FANCA: variants seen among roughly 807,000 people sequenced by gnomAD.
FANCA encodes the protein Fanconi anemia group A protein.
In FANCA, 236 loss-of-function variants were observed where a neutral mutation model predicts 194.3. That is an observed-to-expected ratio of 1.21 (90% CI 1.09 to 1.35). The LOEUF (loss-of-function observed/expected upper bound fraction) is 1.35, where lower values mean the gene tolerates loss of function less well. Ranked by LOEUF, FANCA falls within the 40% of genes most tolerant of loss-of-function variation. FANCA has a pLI of 0.00. For synonymous variants in FANCA, 1,014 were observed against 715.8 expected (o/e 1.42, Z -6.65); for missense variants, 2,628 against 1,813.9 (o/e 1.45, Z -8.15).
At chr16:89,802,344 C>A (rs1296566362) in intron 8 of FANCA, among the ~76,000 whole-genome samples, 1 of 151,762 alleles carries the variant, frequency 6.6e-6, no homozygotes, top group African/African-American at 2.4e-5. Context: ...CTCAGGGGAT[C>A]CACCAGTCTC....
chr16:89,750,482 CAAA>C (rs745845600), intron 31 of FANCA, among the ~76,000 whole-genome samples: 3 of 109,894 alleles, frequency 2.7e-5, no homozygotes, highest in African/African-American at 9.4e-5. Context: ...GACTCCGTCT[CAAA>C]AAAAAACAAA....
At position 89,774,870 on chromosome 16, in the gene FANCA, G is replaced by A. The variant is rs146712728; in HGVS notation, c.1900+872C>T. ...GCACTTTGAAAGGCCGAGGCAGGCG[G>A]ATCAGTTGAGGTCAGGAGTTCGAGA... On this transcript the variant is annotated intron_variant, in intron 21 of 42. Transcript: ENST00000389301. Among the ~76,000 whole-genome samples the A allele has an allele frequency of 2.3e-3, 346 of 152,068 alleles. 4 individuals are homozygous for A. Among genetic ancestry groups the A allele is most frequent in the African/African-American group, 7.8e-3 (322 of 41,488 alleles).
rs1349810895 is a variant in FANCA, at chr16:89,783,097, G to A, written c.1476C>T (p.His492=). 17 of 1,611,140 alleles carry A rather than the reference G, an allele frequency of 1.1e-5. No individual in the cohort carries two copies. Among genetic ancestry groups the A allele is most frequent in the Non-Finnish European group, 1.3e-5 (15 of 1,177,592 alleles). Reference sequence around the variant, plus strand: ...CGGGAACCAGGGGTGGGTGGAGAATGTGCACCTGAGGATAGATAGCAGAGC... The same window carrying A: ...CGGGAACCAGGGGTGGGTGGAGAATATGCACCTGAGGATAGATAGCAGAGC... ...PFESPRYLQV[H]ILHPPLVPGK... is the part of the protein sequence containing the mutation. The change falls in exon 16 of 43, where the codon CAC becomes CAT. Residue 492 remains histidine, a synonymous_variant. Coordinates refer to ENST00000389301, the MANE Select transcript of FANCA (RefSeq NM_000135.4).
At position 89,738,308 on chromosome 16, in the gene FANCA, A is replaced by C; in HGVS notation, c.*293T>G. On this transcript the variant is annotated 3_prime_UTR_variant, in exon 43 of 43. Transcript: ENST00000389301. ...ACTCCGCAGTGGCTGTGTCAGCCTC[A>C]CCCTTCGTGTGCACCCGCATGGGAG... 70 of 1,525,374 alleles carry C rather than the reference A, an allele frequency of 4.6e-5. No homozygotes were observed. The highest frequency in any genetic ancestry group is 5.5e-5 in the Non-Finnish European group (63 of 1,136,380). The allele number at this position is 1,525,374 out of a possible 1,614,324, so 94.5% of individuals were successfully genotyped here.
rs781543214 is a variant in FANCA at position 89,764,923 on chromosome 16, G to T, written c.2745C>A (p.Thr915=). The T allele has an allele frequency of 6.2e-7, 1 of 1,614,208 alleles. No homozygotes were observed. Among genetic ancestry groups the T allele is most frequent in the East Asian group, 2.2e-5 (1 of 44,884 alleles). The part of the protein sequence containing the change: ...RAALSLWTHR[T]FREVLKEEDV... Reference sequence around the variant, plus strand: ...CTTCCTCTTTCAACACCTCTCGGAAGGTTCTGTGTGTCCAGAGAGAGAGGG... The same window carrying T: ...CTTCCTCTTTCAACACCTCTCGGAATGTTCTGTGTGTCCAGAGAGAGAGGG... The change falls in exon 28 of 43, where the codon ACC becomes ACA. Residue 915 remains threonine, a synonymous_variant. Coordinates refer to ENST00000389301, the MANE Select transcript of FANCA (RefSeq NM_000135.4).
chr16:89,772,877 C>T (rs1490897059), intron 22 of FANCA, among the ~76,000 whole-genome samples: 1 of 151,988 alleles, frequency 6.6e-6, no homozygotes, highest in Non-Finnish European at 1.5e-5. Flanking sequence ...ACATTTCTTA[C>T]TCTGGATTTT....
intron 35 of FANCA, 37 bp downstream of exon 35, chr16:89,746,547 C>T (rs761534868): frequency 1.3e-5 from 21 of 1,559,912 alleles, no homozygotes; most frequent in Middle Eastern, 1.7e-4. Context: ...TCCCACTCAT[C>T]CCCAAAACAA....
At chr16:89,805,434 C>T (rs780082205) in intron 6 of FANCA, 42 bp from the exon 7 acceptor site, 1 of 1,506,896 alleles carries the variant, frequency 6.6e-7, no homozygotes, top group Non-Finnish European at 9.2e-7. Flanking sequence ...TCAACTAAAT[C>T]CCATCATCAG....
chr16:89,767,030 C>G, intron 27 of FANCA, 111 bp downstream of exon 27: 2 of 870,822 alleles, frequency 2.3e-6, no homozygotes, highest in South Asian at 2.7e-5. Flanking sequence ...GACCCAGGAG[C>G]TGCCCCTGAG....
intron 21 of FANCA, 41 bp from the exon 22 acceptor site, chr16:89,773,425 C>A (rs1385024538): frequency 3.6e-6 from 5 of 1,374,468 alleles, no homozygotes; most frequent in Non-Finnish European, 5.1e-6. Flanking sequence ...AGACACTCAA[C>A]AGGACTCTTC....
rs2039844134 is a variant in FANCA, at chr16:89,784,852, A to G, written c.1470+2T>C. 6.2e-7 allele frequency: 1 copy of G among 1,606,724 alleles called. No homozygotes were observed. Among genetic ancestry groups the G allele is most frequent in the African/African-American group, 1.3e-5 (1 of 74,922 alleles). On this transcript the variant is annotated splice_donor_variant, in intron 15 of 42. Coordinates refer to ENST00000389301, the MANE Select transcript of FANCA (RefSeq NM_000135.4). LOFTEE classifies it high-confidence loss of function. ...TCATGGATGTGGCAGCCAGCTTCTC[A>G]CCTGCAGGTACCGGGGAGACTCAAA...
At chr16:89,763,067 G>A (rs1284909048) in intron 28 of FANCA, among the ~76,000 whole-genome samples, 1 of 151,046 alleles carries the variant, frequency 6.6e-6, no homozygotes, top group African/African-American at 2.4e-5. Flanking sequence ...CTAACACAGT[G>A]AAACCCCATC....
intron 26 of FANCA, among the ~76,000 whole-genome samples, 193 bp from the exon 27 acceptor site, chr16:89,767,430 C>G (rs1167223377): frequency 2.0e-5 from 3 of 152,224 alleles, no homozygotes; most frequent in Non-Finnish European, 2.9e-5. Context: ...TGCAGTGGCA[C>G]CACCTGGGCT....
In FANCA at chr16:89,815,966, T is replaced by A. The variant is rs772858764; in HGVS notation, c.100A>T (p.Lys34Ter). The part of the protein sequence containing the change: ...ELLAGRVKRE[K>*]YNPERAQKLK... Reference sequence around the variant, plus strand: ...TTCTGTGCCCTTTCAGGATTATATTTTTCCCTCTTGACCCTTCCCGCTACG... The same window carrying A: ...TTCTGTGCCCTTTCAGGATTATATTATTCCCTCTTGACCCTTCCCGCTACG... Residue 34 changes from lysine to a stop codon, truncating the protein, a stop_gained, in exon 2 of 43, where the codon AAA (lysine) becomes TAA (stop). Transcript: ENST00000389301. LOFTEE classifies it high-confidence loss of function. 2.3e-5 allele frequency: 37 copies of A among 1,613,846 alleles called. No individual in the cohort carries two copies. Among genetic ancestry groups the A allele is most frequent in the Non-Finnish European group, 2.5e-5 (29 of 1,179,848 alleles).
At chr16:89,786,986 A>G (rs1463421036) in intron 14 of FANCA, among the ~76,000 whole-genome samples, 3 of 152,212 alleles carry the variant, frequency 2.0e-5, no homozygotes, top group African/African-American at 7.2e-5. Context: ...CCAGATGATC[A>G]CTGGCCGCAG....
intron 22 of FANCA, 70 bp from the exon 23 acceptor site, chr16:89,771,884 G>A: frequency 1.3e-6 from 2 of 1,574,632 alleles, no homozygotes; most frequent in Non-Finnish European, 1.7e-6. Context: ...GGCCTAGAGA[G>A]CTCCGCCTCC....
intron 5 of FANCA, among the ~76,000 whole-genome samples, chr16:89,810,105 G>T (rs1459131752): frequency 1.3e-5 from 2 of 151,974 alleles, no homozygotes; most frequent in African/African-American, 4.8e-5. Context: ...GGCAGATCAC[G>T]AGGTCAGGAG....
rs546300179 is a variant in FANCA at position 89,779,756 on chromosome 16, C to T, written c.1715+113G>A. 1.3e-4 allele frequency: 112 copies of T among 876,478 alleles called. 1 individual carries two copies. In the East Asian group the frequency reaches 2.2e-3, roughly 17 times the overall value. 54.3% of individuals were successfully genotyped at this position (876,478 alleles called of 1,614,324 possible). A position where few individuals can be genotyped will look rare whatever the true frequency, so the allele number is the denominator to read the frequency against. On this transcript the variant is annotated intron_variant, in intron 18 of 42. Coordinates refer to ENST00000389301, the MANE Select transcript of FANCA (RefSeq NM_000135.4). Reference sequence around the variant, plus strand: ...CCCCAGACGCTGGCAGGCATCAGAGCGGAGTCTGCACACCCTGCAGGCATC... The same window carrying T: ...CCCCAGACGCTGGCAGGCATCAGAGTGGAGTCTGCACACCCTGCAGGCATC...
At chr16:89,815,848 C>G in intron 2 of FANCA, 29 bp downstream of exon 2, 1 of 1,544,534 alleles carries the variant, frequency 6.5e-7, no homozygotes, top group South Asian at 1.1e-5. Flanking sequence ...CCTAAATCTG[C>G]CCGCAGACGG....
Sources: gnomAD v4.1 joint callset for allele counts (sites outside exome capture counted in the v4.1 genomes callset) on GRCh38, gnomAD v4.1.1 for gene constraint, MANE v1.5 for transcripts, NCBI Gene and HGNC (gene_info 2026-07-23, HGNC 2026-07-21) for gene names.